The following PAM variants were observed in gnomAD, a reference collection of about 807,000 sequenced individuals.
PAM encodes peptidyl-glycine alpha-amidating monooxygenase.
Under a neutral mutation model 122.1 loss-of-function variants are expected in PAM, and 72 were observed. The ratio of observed to expected loss-of-function variants is 0.59; its 90% CI spans 0.49 to 0.72. PAM has a LOEUF of 0.72. Ranked by LOEUF, PAM falls within the 30% of genes least tolerant of loss-of-function variation. The pLI, the probability that PAM is intolerant of heterozygous loss-of-function variation, is 0.00. For missense variants in PAM, 1,106 were observed against 1,183.7 expected, an observed-to-expected ratio of 0.93 and a Z score of 0.96; for synonymous variants, 389 against 404.4, an observed-to-expected ratio of 0.96 and a Z score of 0.46.
intron 12 of PAM, among the ~76,000 whole-genome samples, chr5:102,955,563 T>G (rs1319315876): frequency 6.6e-6 from 1 of 152,078 alleles, no homozygotes; most frequent in Non-Finnish European, 1.5e-5. Context: ...CCTAAAGCTA[T>G]TTATATTAAG....
chr5:102,764,622 G>A (rs1391480193), intron 1 of PAM, among the ~76,000 whole-genome samples: 1 of 152,182 alleles, frequency 6.6e-6, no homozygotes, highest in South Asian at 2.1e-4. Flanking sequence ...CTTGCTGGTA[G>A]CTAAAACTTA....
At chr5:102,928,447 T>C (rs900192577) in intron 7 of PAM, among the ~76,000 whole-genome samples, 1 of 152,166 alleles carries the variant, frequency 6.6e-6, no homozygotes, top group Non-Finnish European at 1.5e-5. Flanking sequence ...TTTTCAATAG[T>C]AGTTTTTTAT....
At chr5:102,869,608 G>C (rs1399212222) in intron 3 of PAM, among the ~76,000 whole-genome samples, 2 of 152,058 alleles carry the variant, frequency 1.3e-5, no homozygotes, top group Non-Finnish European at 2.9e-5. Context: ...ATGTAACTTG[G>C]TTCAGCTGAC....
intron 1 of PAM, among the ~76,000 whole-genome samples, chr5:102,839,786 TTATTTTTTAATGGTTTTACC>T (rs1778098666): frequency 6.6e-6 from 1 of 152,026 alleles, no homozygotes; most frequent in Non-Finnish European, 1.5e-5. Context: ...AGAGAAAAAA[TTATTTTTTAATGGTTTTACC>T]AAAAATACTT....
At chr5:102,926,164 G>A (rs1232558215) in intron 6 of PAM, among the ~76,000 whole-genome samples, 1 of 151,722 alleles carries the variant, frequency 6.6e-6, no homozygotes, top group Non-Finnish European at 1.5e-5. Flanking sequence ...GCGCAATCTC[G>A]GCTCACTGCA....
rs12187265 is a variant in PAM at position 102,839,635 on chromosome 5, T to G, written c.-373-26188T>G. 3.8e-4 allele frequency among the ~76,000 whole-genome samples: 57 copies of G among 151,854 alleles called. 1 individual carries two copies. The highest frequency in any genetic ancestry group is 3.7e-3 in the Admixed American group (56 of 15,228). On this transcript the variant is annotated intron_variant, in intron 1 of 25. Coordinates refer to ENST00000438793, the MANE Select transcript of PAM (RefSeq NM_001177306.2). The stretch of plus-strand genomic sequence containing the variant: ...TAAATCACAGAGGCTTCAAATGAAA[T>G]GTTATAGAGGCTTGGGTGAAAACTA...
At chr5:102,893,447 A>G (rs1795301645) in intron 3 of PAM, among the ~76,000 whole-genome samples, 1 of 151,800 alleles carries the variant, frequency 6.6e-6, no homozygotes, top group African/African-American at 2.4e-5. Flanking sequence ...GAATGTGAAT[A>G]CATTCAAAAT....
At position 102,882,110 on chromosome 5, in the gene PAM, T is replaced by TATATATATACACAC. The variant is rs1561748160; in HGVS notation, c.210+14718_210+14719insTATATATACACACA. 2.3e-4 allele frequency among the ~76,000 whole-genome samples: 24 copies of TATATATATACACAC among 103,782 alleles called. 2 individuals are homozygous for TATATATATACACAC. Among genetic ancestry groups the TATATATATACACAC allele is most frequent in the African/African-American group, 9.4e-4 (24 of 25,484 alleles). The allele number at this position is 103,782 out of a possible 152,430, so 68.1% of individuals were successfully genotyped here. On this transcript the variant is annotated intron_variant, in intron 3 of 25. Transcript: ENST00000438793. ...ATATATATATATATATATATATATA[T>TATATATATACACAC]ACACCACATTTTCTTTATCCACTCA... is the stretch of plus-strand genomic sequence containing the variant.
intron 12 of PAM, among the ~76,000 whole-genome samples, chr5:102,956,832 C>G (rs1472417790): frequency 6.6e-6 from 1 of 152,012 alleles, no homozygotes; most frequent in Non-Finnish European, 1.5e-5. Context: ...TTACCTTTCA[C>G]TTGTTTGAAA....
At chr5:102,981,785 A>G (rs1040643031) in intron 15 of PAM, among the ~76,000 whole-genome samples, 1 of 152,194 alleles carries the variant, frequency 6.6e-6, no homozygotes, top group Non-Finnish European at 1.5e-5. Flanking sequence ...AATTTTGACA[A>G]CTACATGAGA....
intron 7 of PAM, among the ~76,000 whole-genome samples, chr5:102,939,250 T>G (rs1010748570): frequency 2.0e-5 from 3 of 152,152 alleles, no homozygotes; most frequent in Non-Finnish European, 4.4e-5. Context: ...TTGGAAACCC[T>G]TCACCTTATC....
intron 18 of PAM, 52 bp from the exon 19 acceptor site, chr5:103,006,749 A>G: frequency 7.8e-7 from 1 of 1,287,154 alleles, no homozygotes; most frequent in Non-Finnish European, 1.1e-6. Context: ...TGTGGGTGTA[A>G]GTCACTAATA....
chr5:102,865,970 A>C lies in PAM; in HGVS notation c.-226A>C. On this transcript the variant is annotated 5_prime_UTR_variant, in exon 2 of 26. Transcript: ENST00000438793. ...GAAAGCTTCCGCCTGCGGGCCGGAC[A>C]AAAGTCCCGCCTGCCCACGGCTTTT... 2.3e-6 allele frequency: 1 copy of C among 440,218 alleles called. No homozygotes were observed. The highest frequency in any genetic ancestry group is 4.0e-6 in the Non-Finnish European group (1 of 252,992). 27.3% of individuals were successfully genotyped at this position (440,218 alleles called of 1,614,324 possible). A position where few individuals can be genotyped will look rare whatever the true frequency, so the allele number is the denominator to read the frequency against.
chr5:102,805,064 C>CTTTTTTTTTTTTTT (rs527963126), intron 1 of PAM, among the ~76,000 whole-genome samples: 1 of 103,774 alleles, frequency 9.6e-6, no homozygotes, highest in Non-Finnish European at 1.9e-5. Flanking sequence ...GGGAATTTTC[C>CTTTTTTTTTTTTTT]TTTTTTTTTT....
chr5:102,864,818 T>G (rs1335435178), intron 1 of PAM, among the ~76,000 whole-genome samples: 1 of 152,240 alleles, frequency 6.6e-6, no homozygotes, highest in Non-Finnish European at 1.5e-5. Flanking sequence ...TATTTTTATA[T>G]TGTGAATTAT....
intron 1 of PAM, among the ~76,000 whole-genome samples, chr5:102,859,647 A>C (rs1446586102): frequency 6.6e-6 from 1 of 152,198 alleles, no homozygotes; most frequent in African/African-American, 2.4e-5. Context: ...AATCTCCTGT[A>C]CAGTGTTATA....
At chr5:103,014,814 G>A (rs181272887) in intron 21 of PAM, among the ~76,000 whole-genome samples, 9 of 152,284 alleles carry the variant, frequency 5.9e-5, no homozygotes, top group Admixed American at 5.2e-4. Context: ...AAAAAGCTGT[G>A]AGAGAAAAAT....
intron 5 of PAM, among the ~76,000 whole-genome samples, chr5:102,914,821 A>G (rs973359995): frequency 7.2e-5 from 11 of 152,074 alleles, no homozygotes; most frequent in African/African-American, 2.7e-4. Context: ...ACTGCCTTCT[A>G]TTTATTCAAG....
chr5:102,896,741 C>G (rs1259785816), intron 3 of PAM, among the ~76,000 whole-genome samples: 1 of 151,456 alleles, frequency 6.6e-6, no homozygotes, highest in Non-Finnish European at 1.5e-5. Context: ...AAAAAGAAAA[C>G]TGGGAAAGGG....
Sources: allele counts gnomAD v4.1 joint callset (sites outside exome capture counted in the v4.1 genomes callset), GRCh38; gene constraint gnomAD v4.1.1; transcripts MANE v1.5; gene names NCBI Gene and HGNC (gene_info 2026-07-23, HGNC 2026-07-21).